Variants in FAM227B observed in about 807,000 individuals in gnomAD.
FAM227B encodes protein FAM227B.
A neutral mutation model predicts 73.8 loss-of-function variants in FAM227B; 88 were observed. That is an observed-to-expected ratio of 1.19 (90% CI 1.00 to 1.42). The LOEUF (loss-of-function observed/expected upper bound fraction) is 1.42, where lower values mean the gene tolerates loss of function less well. Ranked by LOEUF, FAM227B falls within the 40% of genes most tolerant of loss-of-function variation. The probability of loss-of-function intolerance (pLI) is 0.00; values close to 1 mark genes in which losing one functional copy is unlikely to be tolerated. For missense variants in FAM227B, 632 were observed against 590.9 expected, an observed-to-expected ratio of 1.07 and a Z score of -0.72; for synonymous variants, 210 against 190.5, an observed-to-expected ratio of 1.10 and a Z score of -0.84.
intron 11 of FAM227B, among the ~76,000 whole-genome samples, chr15:49,399,389 G>A (rs1284421000): frequency 2.7e-5 from 4 of 150,384 alleles, no homozygotes; most frequent in Non-Finnish European, 5.9e-5. Context: ...TCCAGGACCA[G>A]ATGGATTCAC....
At chr15:49,414,543 G>T (rs2049083582) in intron 11 of FAM227B, among the ~76,000 whole-genome samples, 1 of 152,154 alleles carries the variant, frequency 6.6e-6, no homozygotes, top group Non-Finnish European at 1.5e-5. Flanking sequence ...TAGGAAAAAT[G>T]GGGATGTTAC....
At chr15:49,366,676 C>G in intron 13 of FAM227B, 1 of 1,517,002 alleles carries the variant, frequency 6.6e-7, no homozygotes, top group Non-Finnish European at 9.1e-7. Context: ...GCCGCCGCTG[C>G]GGCCCCATCG....
intron 1 of FAM227B, among the ~76,000 whole-genome samples, chr15:49,616,689 C>T (rs2153344257): frequency 6.6e-6 from 1 of 152,266 alleles, no homozygotes; most frequent in Middle Eastern, 3.4e-3. Context: ...TCTATTACAG[C>T]ATCCTAGGTA....
At chr15:49,524,540 G>A (rs1389768055) in intron 10 of FAM227B, among the ~76,000 whole-genome samples, 1 of 152,192 alleles carries the variant, frequency 6.6e-6, no homozygotes, top group Non-Finnish European at 1.5e-5. Context: ...AAAATGTGGG[G>A]TCAGAGCCCC....
intron 11 of FAM227B, among the ~76,000 whole-genome samples, chr15:49,444,217 A>T (rs924143547): frequency 6.6e-6 from 1 of 151,626 alleles, no homozygotes; most frequent in Admixed American, 6.6e-5. Flanking sequence ...CCTCATAAGG[A>T]TTTATGATTG....
At chr15:49,360,424 T>C (rs888370328) in intron 13 of FAM227B, among the ~76,000 whole-genome samples, 1 of 152,112 alleles carries the variant, frequency 6.6e-6, no homozygotes, top group African/African-American at 2.4e-5. Context: ...ACGAGACCCA[T>C]ACAGACTACA....
At chr15:49,619,193 G>A (rs1598610416) in intron 1 of FAM227B, among the ~76,000 whole-genome samples, 1 of 152,206 alleles carries the variant, frequency 6.6e-6, no homozygotes, top group South Asian at 2.1e-4. Flanking sequence ...TTAAACCACC[G>A]ATATTTTGGG....
chr15:49,429,547 G>A (rs1209470474), intron 11 of FAM227B, among the ~76,000 whole-genome samples: 1 of 151,820 alleles, frequency 6.6e-6, no homozygotes, highest in Non-Finnish European at 1.5e-5. Flanking sequence ...GCATTCAGAG[G>A]CCCAAGTGAA....
At chr15:49,588,547 C>CCATA (rs2076315076) in intron 4 of FAM227B, among the ~76,000 whole-genome samples, 3 of 38,054 alleles carry the variant, frequency 7.9e-5, no homozygotes, top group African/African-American at 2.7e-4. Flanking sequence ...ATATTGAGGA[C>CCATA]TATATATATA....
Position 49,613,086 on chromosome 15 carries a change from T to G in FAM227B, c.52-1818A>C, listed in dbSNP as rs186456633. On this transcript the variant is annotated intron_variant, in intron 2 of 15. Transcript: ENST00000299338. ...GGTTAGGGTCAAGCACAGTGGCTCATGCCTATAATACCAGCACACTTTGGG... is the reference window on the plus strand; with the variant it reads ...GGTTAGGGTCAAGCACAGTGGCTCAGGCCTATAATACCAGCACACTTTGGG... Among the ~76,000 whole-genome samples the G allele has an allele frequency of 2.0e-5, 3 of 152,244 alleles. No individual in the cohort carries two copies. The East Asian group carries it at 5.8e-4, about 29-fold the overall frequency.
chr15:49,507,800 A>T (rs1356505479), intron 11 of FAM227B, among the ~76,000 whole-genome samples: 2 of 152,160 alleles, frequency 1.3e-5, no homozygotes, highest in African/African-American at 4.8e-5. Flanking sequence ...ATGGAAATTT[A>T]AAAATACTAG....
chr15:49,591,071 A>T (rs1412802511), intron 3 of FAM227B, among the ~76,000 whole-genome samples: 5 of 108,198 alleles, frequency 4.6e-5, no homozygotes, highest in African/African-American at 1.9e-4. Flanking sequence ...TTTGAGACAG[A>T]GTCTCGCTCT....
intron 13 of FAM227B, among the ~76,000 whole-genome samples, chr15:49,352,459 G>A (rs570304212): frequency 6.6e-6 from 1 of 152,288 alleles, no homozygotes; most frequent in African/African-American, 2.4e-5. Context: ...AGCAGCTGAG[G>A]AAATCCTTGT....
chr15:49,581,754 T>C lies in FAM227B; in HGVS notation c.406-4090A>G, dbSNP rs112690160. Among the ~76,000 whole-genome samples the C allele has an allele frequency of 4.7e-3, 715 of 152,298 alleles. 8 individuals carry two copies. Among genetic ancestry groups the C allele is most frequent in the African/African-American group, 0.016 (677 of 41,574 alleles). On this transcript the variant is annotated intron_variant, in intron 5 of 15. Transcript: ENST00000299338. ...AGGAATTCATTACCAACAGACCTGCTTTGTAAGAGGTCCTTCAGGGAGTGC... is the reference window on the plus strand; with the variant it reads ...AGGAATTCATTACCAACAGACCTGCCTTGTAAGAGGTCCTTCAGGGAGTGC...
At chr15:49,366,010 A>G (rs1386364568) in intron 13 of FAM227B, 4 of 804,204 alleles carry the variant, frequency 5.0e-6, no homozygotes, top group Non-Finnish European at 9.0e-6. Context: ...GACTACAAAT[A>G]TTACAACTGT....
chr15:49,374,396 C>T (rs1220775076), intron 11 of FAM227B, among the ~76,000 whole-genome samples: 1 of 151,924 alleles, frequency 6.6e-6, no homozygotes, highest in Admixed American at 6.6e-5. Flanking sequence ...TTGGAATGTA[C>T]CTTGGAGAGA....
chr15:49,589,757 A>G lies in FAM227B; in HGVS notation c.337+19T>C, dbSNP rs2076412791. 2.8e-6 allele frequency: 4 copies of G among 1,437,852 alleles called. No homozygotes were observed. The highest frequency in any genetic ancestry group is 3.9e-6 in the Non-Finnish European group (4 of 1,028,482). The allele number at this position is 1,437,852 out of a possible 1,614,324, so 89.1% of individuals were successfully genotyped here. A position where few individuals can be genotyped will look rare whatever the true frequency, so the allele number is the denominator to read the frequency against. On this transcript the variant is annotated intron_variant, in intron 4 of 15. Coordinates refer to ENST00000299338, the MANE Select transcript of FAM227B (RefSeq NM_152647.3). ...GTGAGACTCCATTTCTATAAAAGAT[A>G]AAAATAAATAAGGCTCACTTGTCTC...
intron 11 of FAM227B, among the ~76,000 whole-genome samples, chr15:49,441,782 TA>T (rs1294485047): frequency 6.6e-6 from 1 of 151,640 alleles, no homozygotes; most frequent in Non-Finnish European, 1.5e-5. Flanking sequence ...CAGTATTGTG[TA>T]AAGTTTTTAA....
chr15:49,565,914 A>G (rs182561172), intron 9 of FAM227B, among the ~76,000 whole-genome samples: 1 of 152,324 alleles, frequency 6.6e-6, no homozygotes, highest in African/African-American at 2.4e-5. Context: ...CCATAAGCTA[A>G]GGAATACTGG....
Sources: gnomAD v4.1 joint callset for allele counts (sites outside exome capture counted in the v4.1 genomes callset) on GRCh38, gnomAD v4.1.1 for gene constraint, MANE v1.5 for transcripts, NCBI Gene and HGNC (gene_info 2026-07-23, HGNC 2026-07-21) for gene names.